MYOM1: variants seen among roughly 807,000 people sequenced by gnomAD.
MYOM1 encodes myomesin-1.
A neutral mutation model predicts 205.3 loss-of-function variants in MYOM1; 164 were observed. The observed-to-expected ratio is 0.80, with a 90% CI of 0.70 to 0.91. MYOM1 has a LOEUF of 0.91. Among genes scored for constraint, MYOM1 ranks in the 40% least tolerant of loss-of-function variants. The probability of loss-of-function intolerance (pLI) is 0.00; values close to 1 mark genes in which losing one functional copy is unlikely to be tolerated. For missense variants in MYOM1, 2,011 were observed against 2,127.3 expected (o/e 0.95, Z 1.08); for synonymous variants, 772 against 789.4 (o/e 0.98, Z 0.37).
chr18:3,121,417 C>T (rs1278641262), intron 19 of MYOM1, among the ~76,000 whole-genome samples: 1 of 152,128 alleles, frequency 6.6e-6, no homozygotes, highest in Non-Finnish European at 1.5e-5. Flanking sequence ...TACCCTCAAA[C>T]AAGCAAGCAG....
the MYOM1 span, among the ~76,000 whole-genome samples, chr18:3,242,746 C>T: frequency 1.1e-4 from 16 of 152,116 alleles, no homozygotes; most frequent in African/African-American, 2.9e-4. Context: ...TGACCTCAAG[C>T]GATCCAGTCA....
At chr18:3,148,543 A>G (rs930542783) in intron 13 of MYOM1, among the ~76,000 whole-genome samples, 1 of 152,132 alleles carries the variant, frequency 6.6e-6, no homozygotes, top group Non-Finnish European at 1.5e-5. Context: ...AAATACGTTC[A>G]TTATTTTGAA....
intron 19 of MYOM1, among the ~76,000 whole-genome samples, chr18:3,125,535 C>T (rs1250406449): frequency 2.7e-5 from 4 of 147,498 alleles, no homozygotes; most frequent in Non-Finnish European, 5.9e-5. Context: ...GGGCAGATCA[C>T]TTGAGGCCAG....
chr18:3,162,993 TGCA>T, intron 10 of MYOM1, among the ~76,000 whole-genome samples: 1 of 143,804 alleles, frequency 7.0e-6, no homozygotes, highest in East Asian at 2.2e-4. Flanking sequence ...GCCACTGCAC[TGCA>T]CTCCAGCCTG....
chr18:3,141,566 G>A (rs2080049646), intron 14 of MYOM1, among the ~76,000 whole-genome samples: 1 of 152,196 alleles, frequency 6.6e-6, no homozygotes, highest in Non-Finnish European at 1.5e-5. Context: ...TACTACAGAA[G>A]GAGGAGTGGT....
chr18:3,183,608 G>C (rs1311418216), intron 5 of MYOM1, among the ~76,000 whole-genome samples: 1 of 152,142 alleles, frequency 6.6e-6, no homozygotes, highest in African/African-American at 2.4e-5. Flanking sequence ...GCTATGAGTG[G>C]AGGCAGTGTG....
intron 9 of MYOM1, among the ~76,000 whole-genome samples, chr18:3,166,044 C>T (rs181954260): frequency 4.7e-4 from 71 of 152,290 alleles, no homozygotes; most frequent in African/African-American, 1.6e-3. Context: ...CTGCCATTCC[C>T]GTATTTCCTC....
chr18:3,114,658 A>C (rs537144823), intron 21 of MYOM1, among the ~76,000 whole-genome samples: 49 of 148,070 alleles, frequency 3.3e-4, no homozygotes, highest in Non-Finnish European at 6.5e-4. Flanking sequence ...CCCTGGGATT[A>C]TAGGCATGAG....
chr18:3,147,174 A>T (rs1033635353), intron 13 of MYOM1, among the ~76,000 whole-genome samples: 4 of 144,896 alleles, frequency 2.8e-5, no homozygotes, highest in Non-Finnish European at 4.5e-5. Flanking sequence ...TATATATATA[A>T]AAAGTCAGAT....
intron 13 of MYOM1, among the ~76,000 whole-genome samples, chr18:3,143,853 A>G (rs1214389067): frequency 7.2e-6 from 1 of 139,652 alleles, no homozygotes; most frequent in Non-Finnish European, 1.5e-5. Context: ...GTGAGCCATG[A>G]TCATGCCACT....
intron 1 of MYOM1, among the ~76,000 whole-genome samples, chr18:3,215,917 C>T (rs1016019142): frequency 1.3e-5 from 2 of 152,142 alleles, no homozygotes; most frequent in Non-Finnish European, 2.9e-5. Context: ...ATGTGGTGTT[C>T]ATTCAACAAA....
At chr18:3,131,145 C>A (rs922322134) in intron 17 of MYOM1, among the ~76,000 whole-genome samples, 1 of 152,064 alleles carries the variant, frequency 6.6e-6, no homozygotes, top group African/African-American at 2.4e-5. Flanking sequence ...AACTTGGGTT[C>A]GTGAAGATGA....
chr18:3,110,103 C>T (rs932890116), intron 22 of MYOM1, among the ~76,000 whole-genome samples: 2 of 152,212 alleles, frequency 1.3e-5, no homozygotes, highest in African/African-American at 4.8e-5. Flanking sequence ...AAACTGTTCA[C>T]GTTCCTATAC....
intron 5 of MYOM1, among the ~76,000 whole-genome samples, chr18:3,178,738 G>C (rs114859478): frequency 2.0e-5 from 3 of 152,064 alleles, no homozygotes; most frequent in Admixed American, 6.5e-5. Context: ...AGTATGAATC[G>C]TTCCTGCCTC....
chr18:3,077,922 G>A (rs983972976), intron 34 of MYOM1, among the ~76,000 whole-genome samples: 13 of 152,110 alleles, frequency 8.5e-5, no homozygotes, highest in African/African-American at 3.1e-4. Flanking sequence ...GTGAATGGGT[G>A]AGGTGAAGAC....
chr18:3,230,958 A>G, the MYOM1 span, among the ~76,000 whole-genome samples: 2 of 152,218 alleles, frequency 1.3e-5, no homozygotes, highest in African/African-American at 4.8e-5. Flanking sequence ...AAAGTGACAC[A>G]GCTACTAAAT....
In MYOM1 at chr18:3,102,436, A is replaced by G. The variant is rs775848902; in HGVS notation, c.3575+38T>C. ...GAGCTCACCTCATTCTCCTACAGTG[A>G]AAAGGAAACCCATGATTGTGATTGA... On this transcript the variant is annotated intron_variant, in intron 23 of 37. Transcript: ENST00000356443. 6 of 1,558,740 alleles carry G rather than the reference A, an allele frequency of 3.8e-6. No homozygotes were observed. In the African/African-American group the frequency reaches 8.2e-5, roughly 21 times the overall value.
the MYOM1 span, among the ~76,000 whole-genome samples, chr18:3,237,188 T>A: frequency 1.3e-5 from 2 of 152,018 alleles, no homozygotes; most frequent in Admixed American, 6.6e-5. Flanking sequence ...TATACCCATG[T>A]TCATAGCAGC....
chr18:3,116,856 T>G (rs568487948), intron 20 of MYOM1, among the ~76,000 whole-genome samples: 1 of 152,192 alleles, frequency 6.6e-6, no homozygotes, highest in African/African-American at 2.4e-5. Flanking sequence ...AGATTCATAT[T>G]TTTTGATTTT....
Sources: gnomAD v4.1 joint callset for allele counts (sites outside exome capture counted in the v4.1 genomes callset) on GRCh38, gnomAD v4.1.1 for gene constraint, MANE v1.5 for transcripts, NCBI Gene and HGNC (gene_info 2026-07-23, HGNC 2026-07-21) for gene names.